Variants in ABI2 observed in about 807,000 individuals in gnomAD.
ABI2 encodes the protein abl interactor 2.
ABI2 carries 25 observed loss-of-function variants against 59.2 expected under a neutral mutation model. That is an observed-to-expected ratio of 0.42 (90% CI 0.31 to 0.59). ABI2 has a LOEUF of 0.59. Ranked by LOEUF, ABI2 falls within the 20% of genes least tolerant of loss-of-function variation. The pLI is 0.14. For synonymous variants in ABI2, 213 were observed against 235.5 expected, an observed-to-expected ratio of 0.90 and a Z score of 0.87; for missense variants, 545 against 681.8, an observed-to-expected ratio of 0.80 and a Z score of 2.23.
intron 11 of ABI2, among the ~76,000 whole-genome samples, chr2:203,419,997 A>G (rs1278488527): frequency 6.6e-6 from 1 of 152,138 alleles, no homozygotes; most frequent in Non-Finnish European, 1.5e-5. Flanking sequence ...TCCAAGAAAA[A>G]CATGCTTTGA....
chr2:203,416,915 T>C lies in ABI2; in HGVS notation c.1287T>C (p.Asp429=), dbSNP rs369744130. The C allele has an allele frequency of 2.5e-6, 4 of 1,611,122 alleles. No individual in the cohort carries two copies. In the Admixed American group the frequency reaches 5.0e-5, roughly 20 times the overall value. The change falls in exon 11 of 12, where the codon GAT becomes GAC. Residue 429 remains aspartate (D), a synonymous_variant. Transcript: ENST00000261018. ...FVARVQENIS[D]TPPPPPPVEE... ...AGCCTGATACGTTCTTAGTTTCAGATACACCACCTCCACCGCCACCTGTGG... is the reference window on the plus strand; with the variant it reads ...AGCCTGATACGTTCTTAGTTTCAGACACACCACCTCCACCGCCACCTGTGG...
chr2:203,409,830 C>G (rs1023858922), intron 9 of ABI2, among the ~76,000 whole-genome samples: 4 of 152,124 alleles, frequency 2.6e-5, no homozygotes, highest in Admixed American at 1.3e-4. Flanking sequence ...AGTTAATTGA[C>G]TAGCTATCCA....
intron 9 of ABI2, among the ~76,000 whole-genome samples, chr2:203,408,464 C>T (rs529141030): frequency 2.6e-4 from 40 of 151,662 alleles, no homozygotes; most frequent in Non-Finnish European, 5.2e-4. Flanking sequence ...TGCCTGGCTG[C>T]TGGTGTACTT....
Position 203,335,040 on chromosome 2 carries a change from G to A in ABI2, c.117+6409G>A, listed in dbSNP as rs77976487. Among the ~76,000 whole-genome samples, 443 of 152,170 alleles carry A rather than the reference G, an allele frequency of 2.9e-3. 24 individuals are homozygous for A. In the East Asian group the frequency reaches 0.082, roughly 28 times the overall value. On this transcript the variant is annotated intron_variant, in intron 1 of 11. Transcript: ENST00000261018. ...TTGGATTCATGAGGTAGCATGTAGG[G>A]CAACACATTCTATTTTGGATTTTTC...
At chr2:203,420,621 C>T (rs917141342) in intron 11 of ABI2, among the ~76,000 whole-genome samples, 2 of 152,068 alleles carry the variant, frequency 1.3e-5, no homozygotes, top group African/African-American at 4.8e-5. Context: ...TCTCAATCTC[C>T]TGACCTTGTG....
chr2:203,399,420 C>G (rs2097132946), intron 8 of ABI2, among the ~76,000 whole-genome samples: 1 of 150,296 alleles, frequency 6.7e-6, no homozygotes, highest in Non-Finnish European at 1.5e-5. Context: ...TCATTGAGTT[C>G]TTTTATATTC....
At chr2:203,401,911 C>T (rs1472042485) in intron 8 of ABI2, among the ~76,000 whole-genome samples, 1 of 151,876 alleles carries the variant, frequency 6.6e-6, no homozygotes, top group African/African-American at 2.4e-5. Flanking sequence ...TCATTCTTGT[C>T]GATTTTAGTT....
At chr2:203,343,806 A>G (rs2081501477) in intron 1 of ABI2, among the ~76,000 whole-genome samples, 1 of 152,278 alleles carries the variant, frequency 6.6e-6, no homozygotes, top group South Asian at 2.1e-4. Context: ...TCCCTTTCCA[A>G]AAGTAACAGT....
intron 2 of ABI2, among the ~76,000 whole-genome samples, chr2:203,368,243 G>C (rs1408587478): frequency 6.6e-6 from 1 of 151,922 alleles, no homozygotes; most frequent in Non-Finnish European, 1.5e-5. Flanking sequence ...AACCAATTAA[G>C]TTGTAAAATG....
At chr2:203,356,230 C>T (rs1420801945) in intron 1 of ABI2, among the ~76,000 whole-genome samples, 1 of 152,112 alleles carries the variant, frequency 6.6e-6, no homozygotes, top group Admixed American at 6.6e-5. Context: ...CTCTGTCACC[C>T]AGGCTGGAGG....
At chr2:203,398,169 G>T (rs542832871) in intron 8 of ABI2, among the ~76,000 whole-genome samples, 1 of 152,210 alleles carries the variant, frequency 6.6e-6, no homozygotes, top group Non-Finnish European at 1.5e-5. Flanking sequence ...GTGATGTCTT[G>T]TGGGATTCCT....
At chr2:203,408,833 CTTTTTT>C (rs1156536730) in intron 9 of ABI2, among the ~76,000 whole-genome samples, 17 of 87,218 alleles carry the variant, frequency 1.9e-4, no homozygotes, top group East Asian at 2.5e-4. Flanking sequence ...CTTCTCCTTT[CTTTTTT>C]TTTTTTTTTT....
intron 10 of ABI2, among the ~76,000 whole-genome samples, chr2:203,415,616 C>CA (rs71007515): frequency 0.13 from 5,409 of 41,774 alleles, 658 homozygotes; most frequent in Non-Finnish European, 0.18. Context: ...GACTCCGTCT[C>CA]AAAAAAAAAA....
intron 2 of ABI2, chr2:203,375,941 C>T: frequency 3.0e-6 from 2 of 670,304 alleles, no homozygotes; most frequent in Non-Finnish European, 2.4e-6. Flanking sequence ...GGCAATACTG[C>T]AGTTCAACCC....
At chr2:203,404,661 C>T (rs1267252293) in intron 9 of ABI2, among the ~76,000 whole-genome samples, 1 of 152,152 alleles carries the variant, frequency 6.6e-6, no homozygotes, top group Non-Finnish European at 1.5e-5. Context: ...CGGGTTCAAG[C>T]GATTCTCCTG....
chr2:203,376,240 C>T (rs911711177), intron 2 of ABI2: 2 of 759,336 alleles, frequency 2.6e-6, no homozygotes, highest in Non-Finnish European at 4.1e-6. Flanking sequence ...TTGGTTGTCA[C>T]ATCTCATGGT....
At chr2:203,331,653 C>T (rs951307452) in intron 1 of ABI2, among the ~76,000 whole-genome samples, 4 of 151,980 alleles carry the variant, frequency 2.6e-5, no homozygotes, top group Non-Finnish European at 5.9e-5. Flanking sequence ...AGCCACCGCA[C>T]CTGGCCAATT....
At chr2:203,363,002 C>A (rs532922308) in intron 1 of ABI2, among the ~76,000 whole-genome samples, 5 of 151,754 alleles carry the variant, frequency 3.3e-5, no homozygotes, top group Admixed American at 3.3e-4. Flanking sequence ...GGCTATTTTT[C>A]GTATTTTTAG....
At position 203,406,766 on chromosome 2, in the gene ABI2, C is replaced by A. The variant is rs560477219; in HGVS notation, c.1192+4032C>A. On this transcript the variant is annotated intron_variant, in intron 9 of 11. Coordinates refer to ENST00000261018, the MANE Select transcript of ABI2 (RefSeq NM_001375670.1). ...GCAACCTCTGCCTCCTGGGTTCAAG[C>A]GATTCTCCTGCCTCAGCCTCCCGAG... Among the ~76,000 whole-genome samples the A allele has an allele frequency of 2.0e-5, 3 of 152,182 alleles. No homozygotes were observed. In the South Asian group the frequency reaches 6.2e-4, roughly 32 times the overall value.
Sources: gnomAD v4.1 joint callset for allele counts (sites outside exome capture counted in the v4.1 genomes callset) on GRCh38, gnomAD v4.1.1 for gene constraint, MANE v1.5 for transcripts, NCBI Gene and HGNC (gene_info 2026-07-23, HGNC 2026-07-21) for gene names.